Variants in RALGPS1 observed in about 807,000 individuals in gnomAD.
RALGPS1 encodes ras-specific guanine nucleotide-releasing factor RalGPS1.
Under a neutral mutation model 78.8 loss-of-function variants are expected in RALGPS1, and 19 were observed. That is an observed-to-expected ratio of 0.24 (90% CI 0.17 to 0.35). RALGPS1 has a LOEUF of 0.35. RALGPS1 is among the 10% of genes least tolerant of loss of function. The pLI, the probability that RALGPS1 is intolerant of heterozygous loss-of-function variation, is 1.00. For synonymous variants in RALGPS1, 228 were observed against 256.3 expected (o/e 0.89, Z 1.06); for missense variants, 454 against 688.3 (o/e 0.66, Z 3.81).
intron 4 of RALGPS1, among the ~76,000 whole-genome samples, chr9:126,997,712 G>A (rs1405369757): frequency 6.6e-6 from 1 of 152,172 alleles, no homozygotes; most frequent in Admixed American, 6.5e-5. Context: ...ACATCGCCAA[G>A]TGAATCCTAA....
At chr9:127,144,346 A>G (rs2057972567) in intron 8 of RALGPS1, among the ~76,000 whole-genome samples, 1 of 152,308 alleles carries the variant, frequency 6.6e-6, no homozygotes, top group Admixed American at 6.5e-5. Flanking sequence ...GTGGGCATGC[A>G]CTACTTTGGG....
rs2049976539 is a variant in RALGPS1, at chr9:127,069,233, T to C, written c.487T>C (p.Leu163=). The C allele has an allele frequency of 6.2e-7, 1 of 1,605,082 alleles. No homozygotes were observed. Among genetic ancestry groups the C allele is most frequent in the Non-Finnish European group, 8.5e-7 (1 of 1,172,950 alleles). The change falls in exon 8 of 19, where the codon TTA becomes CTA. Residue 163 remains leucine, a synonymous_variant. Coordinates refer to ENST00000259351, the MANE Select transcript of RALGPS1 (RefSeq NM_014636.3). ...CTATATTTTCTTCTCATTCTAGCTT[T>C]TAAATCGAAAAGACAAGACTACCTT... ...IFRLTKTWAL[L]NRKDKTTFEK... is the part of the protein sequence containing the mutation.
chr9:127,093,584 G>A lies in RALGPS1; in HGVS notation c.610+24228G>A, dbSNP rs111808825. The A allele has an allele frequency of 2.4e-4, 226 of 939,598 alleles. 3 individuals are homozygous for A. The African/African-American group carries it at 2.6e-3, about 11-fold the overall frequency. 58.2% of individuals were successfully genotyped at this position (939,598 alleles called of 1,614,324 possible). On this transcript the variant is annotated intron_variant, in intron 8 of 18. Coordinates refer to ENST00000259351, the MANE Select transcript of RALGPS1 (RefSeq NM_014636.3). ...AAATGGCCCTGTCTGCATCCTTCTC[G>A]CCTCAGGTATATGTGTTGTTGGGGC...
rs76205531 is a variant in RALGPS1, at chr9:126,955,970, C to T, written c.-65-6255C>T. On this transcript the variant is annotated intron_variant, in intron 1 of 18. Transcript: ENST00000259351. ...ATTTATCGCCGGGCCCTGGGCTGCTCTCCTTTTCTTTCAGACACAGGCTCT... is the reference window on the plus strand; with the variant it reads ...ATTTATCGCCGGGCCCTGGGCTGCTTTCCTTTTCTTTCAGACACAGGCTCT... Among the ~76,000 whole-genome samples, 858 of 152,322 alleles carry T rather than the reference C, an allele frequency of 5.6e-3. 28 individuals carry two copies. The East Asian group carries it at 0.081, about 14-fold the overall frequency.
intron 1 of RALGPS1, among the ~76,000 whole-genome samples, chr9:126,935,394 G>T (rs1356544685): frequency 2.0e-5 from 3 of 152,126 alleles, no homozygotes; most frequent in African/African-American, 7.2e-5. Context: ...AGAGAATAAG[G>T]GAAGAAACAG....
chr9:127,181,830 G>A (rs1444212276), intron 11 of RALGPS1, among the ~76,000 whole-genome samples: 1 of 151,820 alleles, frequency 6.6e-6, no homozygotes, highest in Non-Finnish European at 1.5e-5. Context: ...CAGGCAAGGA[G>A]TTGGCCAGAG....
chr9:126,963,416 T>G (rs1156489959), intron 2 of RALGPS1, among the ~76,000 whole-genome samples: 2 of 152,220 alleles, frequency 1.3e-5, no homozygotes, highest in Non-Finnish European at 2.9e-5. Context: ...TTATACACAT[T>G]CACACATATA....
Position 127,212,556 on chromosome 9 carries a change from C to A in RALGPS1, c.1354-71C>A. 1 of 1,107,098 alleles carries A rather than the reference C, an allele frequency of 9.0e-7. No individual in the cohort carries two copies. The highest frequency in any genetic ancestry group is 1.3e-6 in the Non-Finnish European group (1 of 759,212). 68.6% of individuals were successfully genotyped at this position (1,107,098 alleles called of 1,614,324 possible). A position where few individuals can be genotyped will look rare whatever the true frequency, so the allele number is the denominator to read the frequency against. On this transcript the variant is annotated intron_variant, in intron 15 of 18. Coordinates refer to ENST00000259351, the MANE Select transcript of RALGPS1 (RefSeq NM_014636.3). The surrounding 1 kb of genome is among the most constrained non-coding windows in gnomAD (Gnocchi z 6.0). ...ACTGGCATTGATGGGATGGCTGGGT[C>A]TGTAATCGGCCAGGGATCCTCTACC...
chr9:126,927,160 T>C (rs2130997232), intron 1 of RALGPS1, among the ~76,000 whole-genome samples: 1 of 152,248 alleles, frequency 6.6e-6, no homozygotes, highest in East Asian at 1.9e-4. Context: ...TTTAAGGGCT[T>C]TCACAGATGG....
At chr9:127,093,751 C>T in intron 8 of RALGPS1, 1 of 1,614,022 alleles carries the variant, frequency 6.2e-7, no homozygotes, top group Non-Finnish European at 8.5e-7. Context: ...TCTCCCAGTT[C>T]CTGAAGAAGT....
chr9:127,046,578 C>T (rs1192459660), intron 5 of RALGPS1, among the ~76,000 whole-genome samples: 1 of 149,354 alleles, frequency 6.7e-6, no homozygotes, highest in Non-Finnish European at 1.5e-5. Flanking sequence ...ATATATGACT[C>T]ACAACATGTA....
intron 5 of RALGPS1, among the ~76,000 whole-genome samples, chr9:127,039,289 A>G (rs1261380659): frequency 6.6e-6 from 1 of 152,184 alleles, no homozygotes; most frequent in Non-Finnish European, 1.5e-5. Flanking sequence ...CAGTATCTGG[A>G]AATCAGTGTT....
intron 1 of RALGPS1, among the ~76,000 whole-genome samples, chr9:126,935,772 T>A (rs1197099556): frequency 2.6e-5 from 4 of 152,240 alleles, no homozygotes; most frequent in Non-Finnish European, 5.9e-5. Flanking sequence ...ATCTCAGAGA[T>A]GAGTAATTTC....
At chr9:126,917,758 A>G (rs2034323069) in intron 1 of RALGPS1, among the ~76,000 whole-genome samples, 1 of 152,214 alleles carries the variant, frequency 6.6e-6, no homozygotes, top group Non-Finnish European at 1.5e-5. Context: ...GTAACATGCA[A>G]GGAGAGCAGG....
chr9:127,213,237 G>C (rs2062381548), intron 17 of RALGPS1, among the ~76,000 whole-genome samples, 188 bp downstream of exon 17: 2 of 152,246 alleles, frequency 1.3e-5, no homozygotes, highest in South Asian at 4.1e-4. Context: ...TGTCCATTGA[G>C]AAGGGTATGA....
At chr9:126,935,635 TA>T (rs869151766) in intron 1 of RALGPS1, among the ~76,000 whole-genome samples, 1 of 126,048 alleles carries the variant, frequency 7.9e-6, no homozygotes, top group Admixed American at 7.8e-5. Flanking sequence ...GTAACTCATA[TA>T]GTACTTAGAA....
chr9:126,963,949 G>T (rs780562852), intron 2 of RALGPS1, among the ~76,000 whole-genome samples: 3 of 152,208 alleles, frequency 2.0e-5, no homozygotes, highest in Admixed American at 6.5e-5. Context: ...ACTGGGAGAT[G>T]GAGTAGACTG....
At chr9:127,201,273 A>G (rs2061616856) in intron 14 of RALGPS1, among the ~76,000 whole-genome samples, 2 of 152,218 alleles carry the variant, frequency 1.3e-5, no homozygotes, top group Admixed American at 6.5e-5. Flanking sequence ...GCAGTCTTGA[A>G]ACATCCCTGC....
At chr9:127,186,650 C>T (rs963364603) in intron 11 of RALGPS1, among the ~76,000 whole-genome samples, 3 of 152,242 alleles carry the variant, frequency 2.0e-5, no homozygotes, top group Non-Finnish European at 2.9e-5. Flanking sequence ...CTTCTGCTTC[C>T]GCGTCAGACC....
Sources: gnomAD v4.1 joint callset for allele counts (sites outside exome capture counted in the v4.1 genomes callset) on GRCh38, gnomAD v4.1.1 for gene constraint, Gnocchi (gnomAD v3.1) non-coding constraint, MANE v1.5 for transcripts, NCBI Gene and HGNC (gene_info 2026-07-23, HGNC 2026-07-21) for gene names.